The following GALNT17 variants were observed in gnomAD, a reference collection of about 807,000 sequenced individuals.
GALNT17 encodes the protein polypeptide N-acetylgalactosaminyltransferase 17.
In GALNT17, 29 loss-of-function variants were observed where a neutral mutation model predicts 63.7. The ratio of observed to expected loss-of-function variants is 0.46; its 90% CI spans 0.34 to 0.62. The LOEUF (loss-of-function observed/expected upper bound fraction) is 0.62, where lower values mean the gene tolerates loss of function less well. GALNT17 is among the 20% of genes least tolerant of loss of function. The probability of loss-of-function intolerance (pLI) is 0.01; values close to 1 mark genes in which losing one functional copy is unlikely to be tolerated. For synonymous variants in GALNT17, 305 were observed against 318.3 expected (o/e 0.96, Z 0.45); for missense variants, 603 against 799.6 (o/e 0.75, Z 2.97).
intron 6 of GALNT17, among the ~76,000 whole-genome samples, chr7:71,592,526 TAAAATAAAATAA>T (rs1336203993): frequency 0.054 from 5,569 of 102,518 alleles, 382 homozygotes; most frequent in African/African-American, 0.19. Context: ...TAAAATAAAA[TAAAATAAAATAA>T]AATAAAATAG....
At chr7:71,460,904 C>T (rs2116579619) in intron 5 of GALNT17, among the ~76,000 whole-genome samples, 1 of 152,286 alleles carries the variant, frequency 6.6e-6, no homozygotes, top group African/African-American at 2.4e-5. Flanking sequence ...TTTTGGCCGG[C>T]TTCTTTACTG....
In GALNT17 at chr7:71,570,652, G is replaced by A. The variant is rs565468534; in HGVS notation, c.963-633G>A. 7.2e-5 allele frequency among the ~76,000 whole-genome samples: 11 copies of A among 152,218 alleles called. 1 individual carries two copies. In the South Asian group the frequency reaches 2.3e-3, roughly 32 times the overall value. ...CAGCCCTTACCCCATCTATGAGGGA[G>A]TCACATTATCCCTAGATGCTTTTGA... On this transcript the variant is annotated intron_variant, in intron 5 of 10. Coordinates refer to ENST00000333538, the MANE Select transcript of GALNT17 (RefSeq NM_022479.3).
chr7:71,666,385 T>C (rs1790985681), intron 7 of GALNT17, among the ~76,000 whole-genome samples: 1 of 149,574 alleles, frequency 6.7e-6, no homozygotes, highest in Non-Finnish European at 1.5e-5. Context: ...TAAATTTTTT[T>C]ATGGCAGCAC....
At chr7:71,448,276 C>A (rs1268272186) in intron 5 of GALNT17, among the ~76,000 whole-genome samples, 2 of 151,946 alleles carry the variant, frequency 1.3e-5, no homozygotes, top group Non-Finnish European at 2.9e-5. Context: ...GAGTATATTT[C>A]TTTTTATTCA....
At chr7:71,656,219 C>T (rs955279996) in intron 6 of GALNT17, among the ~76,000 whole-genome samples, 12 of 152,010 alleles carry the variant, frequency 7.9e-5, no homozygotes, top group African/African-American at 2.7e-4. Flanking sequence ...TTTTTGCACG[C>T]CCACATGCTG....
intron 2 of GALNT17, among the ~76,000 whole-genome samples, chr7:71,356,657 G>A (rs1182802667): frequency 6.6e-6 from 1 of 152,202 alleles, no homozygotes; most frequent in Non-Finnish European, 1.5e-5. Flanking sequence ...TAGCTCCAAG[G>A]CGTTCATGAG....
chr7:71,192,342 A>G (rs1554337192), intron 1 of GALNT17, among the ~76,000 whole-genome samples: 2 of 151,944 alleles, frequency 1.3e-5, no homozygotes, highest in Non-Finnish European at 1.5e-5. Flanking sequence ...GCATCCTTCA[A>G]TCCAATTAAG....
intron 3 of GALNT17, among the ~76,000 whole-genome samples, chr7:71,411,180 G>T (rs1233739671): frequency 6.6e-6 from 1 of 151,930 alleles, no homozygotes; most frequent in Non-Finnish European, 1.5e-5. Context: ...GAGTGCAGTG[G>T]CACAATCTCA....
chr7:71,211,306 T>G (rs1395678137), intron 1 of GALNT17, among the ~76,000 whole-genome samples: 1 of 152,212 alleles, frequency 6.6e-6, no homozygotes, highest in Non-Finnish European at 1.5e-5. Context: ...ATCAGGGGTT[T>G]CCGCTTTTGC....
intron 5 of GALNT17, among the ~76,000 whole-genome samples, chr7:71,474,785 A>C (rs1324025396): frequency 1.3e-5 from 2 of 152,144 alleles, no homozygotes; most frequent in African/African-American, 2.4e-5. Context: ...AGAACCTGTG[A>C]ATGTTACTTC....
At chr7:71,534,624 A>T (rs1291674593) in intron 5 of GALNT17, among the ~76,000 whole-genome samples, 1 of 145,688 alleles carries the variant, frequency 6.9e-6, no homozygotes, top group African/African-American at 2.6e-5. Flanking sequence ...AAAAAATCAG[A>T]TCTCATGAGA....
chr7:71,577,526 C>G (rs1018176190), intron 6 of GALNT17, among the ~76,000 whole-genome samples: 1 of 152,042 alleles, frequency 6.6e-6, no homozygotes, highest in Admixed American at 6.5e-5. Flanking sequence ...ACCTTCTTGC[C>G]GATTCCAGCC....
At chr7:71,532,494 T>A (rs1329569068) in intron 5 of GALNT17, among the ~76,000 whole-genome samples, 2 of 152,198 alleles carry the variant, frequency 1.3e-5, no homozygotes, top group Non-Finnish European at 2.9e-5. Context: ...CTAAATAGCA[T>A]ATGTCAGGCA....
chr7:71,282,390 A>G (rs1790793458), intron 1 of GALNT17, among the ~76,000 whole-genome samples: 1 of 152,240 alleles, frequency 6.6e-6, no homozygotes, highest in South Asian at 2.1e-4. Flanking sequence ...ACAGCAGTGA[A>G]GGAAGAGTAG....
intron 6 of GALNT17, among the ~76,000 whole-genome samples, chr7:71,605,105 TTAA>T (rs1292867799): frequency 6.6e-6 from 1 of 152,212 alleles, no homozygotes; most frequent in Non-Finnish European, 1.5e-5. Flanking sequence ...TTGAGAACAC[TTAA>T]TTCAAGGATA....
rs1327380013 is a variant in GALNT17, at chr7:71,606,973, A to G, written c.1080+35571A>G. Among the ~76,000 whole-genome samples the G allele has an allele frequency of 2.6e-5, 4 of 152,208 alleles. No individual in the cohort carries two copies. In the East Asian group the frequency reaches 5.8e-4, roughly 22 times the overall value. On this transcript the variant is annotated intron_variant, in intron 6 of 10. Transcript: ENST00000333538. The stretch of plus-strand genomic sequence containing the variant: ...TTTGGTGGTCAGAAACAAATGGCCC[A>G]TCCCCACAAGATCACCTTCTTGGAT...
intron 5 of GALNT17, among the ~76,000 whole-genome samples, chr7:71,457,526 C>G (rs956150021): frequency 1.3e-5 from 2 of 152,160 alleles, no homozygotes; most frequent in South Asian, 2.1e-4. Context: ...AGAGCAGCCC[C>G]GAAGGCTGCT....
At chr7:71,448,367 G>T (rs756912748) in intron 5 of GALNT17, among the ~76,000 whole-genome samples, 1 of 152,040 alleles carries the variant, frequency 6.6e-6, no homozygotes, top group Non-Finnish European at 1.5e-5. Context: ...ATGTGTGTGT[G>T]TGTGTGTGTG....
At chr7:71,671,477 T>G (rs1791068664) in intron 8 of GALNT17, among the ~76,000 whole-genome samples, 1 of 152,174 alleles carries the variant, frequency 6.6e-6, no homozygotes, top group Non-Finnish European at 1.5e-5. Flanking sequence ...GTCATCAGGG[T>G]GTAGAGTGGT....
Sources: gnomAD v4.1 joint callset for allele counts (sites outside exome capture counted in the v4.1 genomes callset) on GRCh38, gnomAD v4.1.1 for gene constraint, MANE v1.5 for transcripts, NCBI Gene and HGNC (gene_info 2026-07-23, HGNC 2026-07-21) for gene names.